Variants in GRIN2A observed in about 807,000 individuals in gnomAD.
GRIN2A encodes the protein glutamate ionotropic receptor NMDA type subunit 2A.
Under a neutral mutation model 113.4 loss-of-function variants are expected in GRIN2A, and 22 were observed. That is an observed-to-expected ratio of 0.19 (90% CI 0.14 to 0.28). The LOEUF is 0.28. Among genes scored for constraint, GRIN2A ranks in the 10% least tolerant of loss-of-function variants. The probability of loss-of-function intolerance (pLI) is 1.00; values close to 1 mark genes in which losing one functional copy is unlikely to be tolerated. For missense variants in GRIN2A, 1,502 were observed against 1,887.0 expected (o/e 0.80, Z 3.78); for synonymous variants, 827 against 738.4 (o/e 1.12, Z -1.94).
At chr16:10,131,489 G>C (rs1278746899) in intron 2 of GRIN2A, among the ~76,000 whole-genome samples, 1 of 148,350 alleles carries the variant, frequency 6.7e-6, no homozygotes, top group Non-Finnish European at 1.5e-5. Context: ...TTTTTTTAAT[G>C]CTCAGGGTAT....
chr16:9,903,276 T>C (rs1489372365), intron 3 of GRIN2A, among the ~76,000 whole-genome samples: 1 of 152,034 alleles, frequency 6.6e-6, no homozygotes, highest in Non-Finnish European at 1.5e-5. Flanking sequence ...CCTCTCTTGG[T>C]TTTCTTAATC....
chr16:10,016,775 G>A (rs1050513366), intron 2 of GRIN2A, among the ~76,000 whole-genome samples: 1 of 152,176 alleles, frequency 6.6e-6, no homozygotes, highest in Admixed American at 6.5e-5. Context: ...CTCCCGGCCT[G>A]GACTCGCACA....
intron 2 of GRIN2A, among the ~76,000 whole-genome samples, chr16:10,170,074 G>C (rs1231296258): frequency 2.6e-5 from 4 of 152,202 alleles, no homozygotes; most frequent in African/African-American, 7.2e-5. Context: ...GGATAACAGA[G>C]TGGGGACAGC....
rs143964305 is a variant in GRIN2A, at chr16:9,813,453, C to A, written c.2168+8811G>T. ...AAATGTAAAAAGATGTAAAGTCCAT[C>A]ATCCCAATCACCTAGCAGCATCTCC... On this transcript the variant is annotated intron_variant, in intron 10 of 12. Transcript: ENST00000330684. Among the ~76,000 whole-genome samples, 435 of 151,632 alleles carry A rather than the reference C, an allele frequency of 2.9e-3. 2 individuals carry two copies. Among genetic ancestry groups the A allele is most frequent in the African/African-American group, 9.9e-3 (408 of 41,418 alleles).
chr16:10,172,973 T>C (rs1227106401), intron 2 of GRIN2A, among the ~76,000 whole-genome samples: 1 of 152,122 alleles, frequency 6.6e-6, no homozygotes, highest in Non-Finnish European at 1.5e-5. Context: ...CAGTAGCATT[T>C]TCCATCTGAG....
intron 2 of GRIN2A, among the ~76,000 whole-genome samples, chr16:10,047,695 T>A (rs1381304041): frequency 6.6e-6 from 1 of 152,188 alleles, no homozygotes; most frequent in Non-Finnish European, 1.5e-5. Context: ...GGACCCCACA[T>A]TGCCAGCATG....
intron 4 of GRIN2A, among the ~76,000 whole-genome samples, chr16:9,865,474 C>G (rs564154023): frequency 5.8e-4 from 88 of 152,250 alleles, no homozygotes; most frequent in African/African-American, 1.9e-3. Flanking sequence ...TTTAAAAGAA[C>G]CGTGCATTTG....
At chr16:9,841,465 A>G (rs1266864388) in intron 5 of GRIN2A, among the ~76,000 whole-genome samples, 1 of 152,224 alleles carries the variant, frequency 6.6e-6, no homozygotes, top group African/African-American at 2.4e-5. Context: ...TTTATAACAT[A>G]CACAACTTTA....
At chr16:10,152,260 A>C (rs2049596323) in intron 2 of GRIN2A, among the ~76,000 whole-genome samples, 1 of 152,092 alleles carries the variant, frequency 6.6e-6, no homozygotes, top group Non-Finnish European at 1.5e-5. Flanking sequence ...TCAGGGTTAA[A>C]ATACAAACAC....
At chr16:10,138,012 G>A (rs1220984678) in intron 2 of GRIN2A, among the ~76,000 whole-genome samples, 2 of 152,278 alleles carry the variant, frequency 1.3e-5, no homozygotes, top group Admixed American at 6.5e-5. Context: ...TTCCAAATTT[G>A]GATTTTACCA....
chr16:9,827,291 C>T (rs2042404674), intron 9 of GRIN2A, among the ~76,000 whole-genome samples: 1 of 152,256 alleles, frequency 6.6e-6, no homozygotes, highest in African/African-American at 2.4e-5. Flanking sequence ...TATCTGCTGC[C>T]TCTGAGATAC....
At chr16:10,174,011 G>C (rs1223504535) in intron 2 of GRIN2A, among the ~76,000 whole-genome samples, 4 of 152,116 alleles carry the variant, frequency 2.6e-5, no homozygotes, top group African/African-American at 9.7e-5. Context: ...ATCAAAAATA[G>C]AGAGTAATCC....
chr16:10,064,700 G>T (rs2047614530), intron 2 of GRIN2A, among the ~76,000 whole-genome samples: 1 of 152,158 alleles, frequency 6.6e-6, no homozygotes, highest in East Asian at 1.9e-4. Flanking sequence ...AACAACCCCA[G>T]GTGCAAATCT....
chr16:9,945,002 A>G (rs1282853296), intron 2 of GRIN2A, among the ~76,000 whole-genome samples: 1 of 152,022 alleles, frequency 6.6e-6, no homozygotes, highest in African/African-American at 2.4e-5. Context: ...TTAGGGGAGG[A>G]GACAAACAAA....
chr16:9,853,560 G>C (rs2042919351), intron 4 of GRIN2A, among the ~76,000 whole-genome samples: 1 of 152,168 alleles, frequency 6.6e-6, no homozygotes. Context: ...ACAAGTTTCT[G>C]TGGTTTATAA....
intron 4 of GRIN2A, among the ~76,000 whole-genome samples, chr16:9,870,097 A>G (rs1165404744): frequency 6.6e-6 from 1 of 152,216 alleles, no homozygotes; most frequent in African/African-American, 2.4e-5. Flanking sequence ...GGATAGAAAA[A>G]ATATCATCTG....
rs536273215 is a variant in GRIN2A at position 9,761,712 on chromosome 16, A to G, written c.*1437T>C. ...CATAAGTATTCCCCTCTCTGTCTCT[A>G]ACTTAAAAAAAAAATGGATATCATT... On this transcript the variant is annotated 3_prime_UTR_variant, in exon 13 of 13. Transcript: ENST00000330684. 1 of 223,828 alleles carries G rather than the reference A, an allele frequency of 4.5e-6. No homozygotes were observed. Among genetic ancestry groups the G allele is most frequent in the African/African-American group, 2.2e-5 (1 of 44,888 alleles). The allele number at this position is 223,828 out of a possible 1,614,324, so 13.9% of individuals were successfully genotyped here.
intron 3 of GRIN2A, among the ~76,000 whole-genome samples, chr16:9,919,382 C>G (rs1411338069): frequency 6.6e-6 from 1 of 152,098 alleles, no homozygotes; most frequent in Non-Finnish European, 1.5e-5. Flanking sequence ...TGCCATATAT[C>G]ATATAGCTCA....
chr16:9,905,769 C>G (rs1438785498), intron 3 of GRIN2A, among the ~76,000 whole-genome samples: 1 of 152,100 alleles, frequency 6.6e-6, no homozygotes, highest in African/African-American at 2.4e-5. Flanking sequence ...AGGGGTGCAC[C>G]TGTCCCATGG....
Sources: gnomAD v4.1 joint callset for allele counts (sites outside exome capture counted in the v4.1 genomes callset) on GRCh38, gnomAD v4.1.1 for gene constraint, MANE v1.5 for transcripts, NCBI Gene and HGNC (gene_info 2026-07-23, HGNC 2026-07-21) for gene names.